Variants in PCDHGB2 observed in about 807,000 individuals in gnomAD.
PCDHGB2 encodes the protein protocadherin gamma subfamily B, 2.
Under a neutral mutation model 59.3 loss-of-function variants are expected in PCDHGB2, and 55 were observed. The observed-to-expected ratio is 0.93, with a 90% CI of 0.75 to 1.16. The LOEUF (loss-of-function observed/expected upper bound fraction) is 1.16. PCDHGB2 is among the 50% of genes most tolerant of loss of function. The pLI, the probability that PCDHGB2 is intolerant of heterozygous loss-of-function variation, is 0.00. For synonymous variants in PCDHGB2, 516 were observed against 512.0 expected (o/e 1.01, Z -0.11); for missense variants, 1,228 against 1,198.5 (o/e 1.02, Z -0.36).
chr5:141,494,712 C>T, intron 1 of PCDHGB2, 95 bp from the exon 2 acceptor site: 1 of 1,603,048 alleles, frequency 6.2e-7, no homozygotes, highest in Non-Finnish European at 8.5e-7. Context: ...TCTGTGCCCA[C>T]TCCCCTCCTT....
At chr5:141,418,563 C>A (rs2096269554) in intron 1 of PCDHGB2, 2 of 1,613,998 alleles carry the variant, frequency 1.2e-6, no homozygotes, top group Non-Finnish European at 1.7e-6. Context: ...GTAATAGATG[C>A]CAATGACAAC....
At position 141,491,645 on chromosome 5, in the gene PCDHGB2, C is replaced by T; in HGVS notation, c.2422-3162C>T. On this transcript the variant is annotated intron_variant, in intron 1 of 3. Transcript: ENST00000522605. The surrounding 1 kb of genome is among the most constrained non-coding windows in gnomAD (Gnocchi z 6.9). ...AGCGTTCAGCAGCCCACAGCTCTGG[C>T]GCTGGAGCCTGACGCCATCCGGTCC... 1.2e-6 allele frequency: 2 copies of T among 1,613,890 alleles called. No homozygotes were observed. Among genetic ancestry groups the T allele is most frequent in the African/African-American group, 1.3e-5 (1 of 75,082 alleles).
Position 141,492,023 on chromosome 5 carries a change from C to G in PCDHGB2, c.2422-2784C>G, listed in dbSNP as rs536734764. 1.8e-4 allele frequency: 102 copies of G among 564,804 alleles called. 3 individuals carry two copies. In the South Asian group the frequency reaches 2.8e-3, roughly 15 times the overall value. The allele number at this position is 564,804 out of a possible 1,614,324, so 35.0% of individuals were successfully genotyped here. A position where few individuals can be genotyped will look rare whatever the true frequency, so the allele number is the denominator to read the frequency against. On this transcript the variant is annotated intron_variant, in intron 1 of 3. Coordinates refer to ENST00000522605, the MANE Select transcript of PCDHGB2 (RefSeq NM_018923.3). Reference sequence around the variant, plus strand: ...CGATTTCCGCGGGTGTCGGGGGTCCCGGGAGGAGGCAGTCACAGATCCACC... The same window carrying G: ...CGATTTCCGCGGGTGTCGGGGGTCCGGGGAGGAGGCAGTCACAGATCCACC...
chr5:141,482,622 A>G (rs1197606374), intron 1 of PCDHGB2, among the ~76,000 whole-genome samples: 1 of 151,936 alleles, frequency 6.6e-6, no homozygotes, highest in Non-Finnish European at 1.5e-5. Context: ...AGCCTGGAGA[A>G]AGGAAGAAAT....
intron 1 of PCDHGB2, chr5:141,484,931 A>G (rs940135310): frequency 1.4e-5 from 7 of 497,998 alleles, no homozygotes; most frequent in Non-Finnish European, 2.5e-5. Flanking sequence ...TGCTGTTGGG[A>G]CGTTCTCTGC....
intron 1 of PCDHGB2, among the ~76,000 whole-genome samples, chr5:141,380,866 A>G (rs945856253): frequency 3.3e-5 from 5 of 152,264 alleles, no homozygotes; most frequent in Admixed American, 3.3e-4. Context: ...GAGAGCTATA[A>G]CCTCCAAACA....
chr5:141,476,336 C>G lies in PCDHGB2; in HGVS notation c.2422-18471C>G, dbSNP rs1228900349. The G allele has an allele frequency of 2.5e-6, 4 of 1,614,008 alleles. No individual in the cohort carries two copies. The highest frequency in any genetic ancestry group is 2.2e-5 in the East Asian group (1 of 44,854). ...GTTCCGGGTGGTGTCTGGAGCTAGC[C>G]GAAGATTCTTTGAGGTGAACCGGGA... On this transcript the variant is annotated intron_variant, in intron 1 of 3. Coordinates refer to ENST00000522605, the MANE Select transcript of PCDHGB2 (RefSeq NM_018923.3). The surrounding 1 kb of genome is among the most constrained non-coding windows in gnomAD (Gnocchi z 7.6).
intron 1 of PCDHGB2, chr5:141,395,285 T>A: frequency 6.5e-7 from 1 of 1,535,168 alleles, no homozygotes; most frequent in Non-Finnish European, 8.8e-7. Context: ...GAATTTTATT[T>A]GGCATAAATT....
At chr5:141,375,093 T>A (rs1394979484) in intron 1 of PCDHGB2, 1 of 1,613,962 alleles carries the variant, frequency 6.2e-7, no homozygotes, top group South Asian at 1.1e-5. Context: ...TTAATAACTA[T>A]CTTGGATGTC....
intron 1 of PCDHGB2, chr5:141,388,705 A>G: frequency 6.2e-7 from 1 of 1,613,994 alleles, no homozygotes; most frequent in African/African-American, 1.3e-5. Flanking sequence ...GAGGGTGTCA[A>G]TGCCGAGATT....
intron 1 of PCDHGB2, chr5:141,398,274 C>G (rs1323516270): frequency 7.1e-7 from 1 of 1,416,776 alleles, no homozygotes; most frequent in African/African-American, 1.5e-5. Context: ...TAGTGGGGAA[C>G]CTCGCCACGG....
intron 1 of PCDHGB2, among the ~76,000 whole-genome samples, chr5:141,482,410 T>G (rs1054330181): frequency 2.3e-4 from 35 of 151,890 alleles, no homozygotes; most frequent in Non-Finnish European, 1.0e-4. Flanking sequence ...AATAACTATT[T>G]GTTGAACTAA....
At chr5:141,379,981 C>T (rs968805615) in intron 1 of PCDHGB2, among the ~76,000 whole-genome samples, 16 of 135,132 alleles carry the variant, frequency 1.2e-4, no homozygotes, top group Non-Finnish European at 2.3e-4. Context: ...CTCACTGCAA[C>T]TTCCTCCTCC....
At chr5:141,450,919 G>A (rs1489017891) in intron 1 of PCDHGB2, among the ~76,000 whole-genome samples, 2 of 151,024 alleles carry the variant, frequency 1.3e-5, no homozygotes, top group African/African-American at 4.9e-5. Context: ...CTGCCTCCCA[G>A]ATTCAAGCAA....
At chr5:141,400,166 C>T (rs370071207) in intron 1 of PCDHGB2, 80 of 1,613,954 alleles carry the variant, frequency 5.0e-5, no homozygotes, top group South Asian at 7.7e-5. Context: ...CCCTCTGACC[C>T]CCAGGCTGAG....
intron 1 of PCDHGB2, among the ~76,000 whole-genome samples, chr5:141,469,802 CATT>C (rs2099211643): frequency 6.6e-6 from 1 of 152,022 alleles, no homozygotes; most frequent in Admixed American, 6.6e-5. Context: ...ATTGCAAAAA[CATT>C]GTAGATAGAA....
chr5:141,403,390 G>T (rs1471861396), intron 1 of PCDHGB2: 14 of 1,614,038 alleles, frequency 8.7e-6, no homozygotes, highest in African/African-American at 1.3e-5. Context: ...ACGAAATCGC[G>T]GTTCCTGGAG....
At chr5:141,415,740 G>GTTTTTTTTTTTTTTTTTGTTTTT (rs2095912994) in intron 1 of PCDHGB2, 1 of 515,998 alleles carries the variant, frequency 1.9e-6, no homozygotes. Flanking sequence ...GTTTATTAAG[G>GTTTTTTTTTTTTTTTTTGTTTTT]TTTTTTTTTT....
At chr5:141,386,979 T>C (rs2090768348) in intron 1 of PCDHGB2, among the ~76,000 whole-genome samples, 1 of 152,202 alleles carries the variant, frequency 6.6e-6, no homozygotes, top group South Asian at 2.1e-4. Flanking sequence ...ACTTTGTGTT[T>C]TGAGGCTATG....
Sources: allele counts gnomAD v4.1 joint callset (sites outside exome capture counted in the v4.1 genomes callset), GRCh38; gene constraint gnomAD v4.1.1; non-coding constraint Gnocchi (gnomAD v3.1); transcripts MANE v1.5; gene names NCBI Gene and HGNC (gene_info 2026-07-23, HGNC 2026-07-21).